Variants in ATP13A4 observed in about 807,000 individuals in gnomAD.
ATP13A4 encodes the protein ATPase 13A4.
In ATP13A4, 114 loss-of-function variants were observed where a neutral mutation model predicts 142.5. The ratio of observed to expected loss-of-function variants is 0.80; its 90% CI spans 0.69 to 0.93. The LOEUF (loss-of-function observed/expected upper bound fraction) is 0.93. ATP13A4 is among the 40% of genes least tolerant of loss of function. The pLI, the probability that ATP13A4 is intolerant of heterozygous loss-of-function variation, is 0.00. For synonymous variants in ATP13A4, 488 were observed against 514.8 expected (o/e 0.95, Z 0.70); for missense variants, 1,392 against 1,454.0 (o/e 0.96, Z 0.69).
chr3:193,519,602 A>G (rs576412225), intron 1 of ATP13A4, among the ~76,000 whole-genome samples: 2 of 146,198 alleles, frequency 1.4e-5, no homozygotes, highest in East Asian at 2.0e-4. Flanking sequence ...ACTTTTGTAG[A>G]ATTTTCACAA....
intron 1 of ATP13A4, among the ~76,000 whole-genome samples, chr3:193,529,531 C>T (rs1463554974): frequency 6.6e-6 from 1 of 152,022 alleles, no homozygotes; most frequent in Non-Finnish European, 1.5e-5. Context: ...AGCTCCTTCC[C>T]TTTTTCATGA....
intron 1 of ATP13A4, among the ~76,000 whole-genome samples, chr3:193,585,814 C>A (rs1724656930): frequency 6.6e-6 from 1 of 152,112 alleles, no homozygotes; most frequent in Non-Finnish European, 1.5e-5. Context: ...CAAGACTTTC[C>A]ATGAACACGT....
At chr3:193,415,916 A>G (rs1715037505) in intron 25 of ATP13A4, among the ~76,000 whole-genome samples, 2 of 152,214 alleles carry the variant, frequency 1.3e-5, no homozygotes, top group South Asian at 2.1e-4. Flanking sequence ...ATCCCAGGGC[A>G]TAGTACATGC....
intron 23 of ATP13A4, 47 bp downstream of exon 23, chr3:193,438,428 C>G (rs770241705): frequency 2.1e-6 from 3 of 1,444,454 alleles, no homozygotes; most frequent in Admixed American, 3.4e-5. Context: ...TGATTTGCAC[C>G]AGAAGTCAAG....
intron 2 of ATP13A4, among the ~76,000 whole-genome samples, chr3:193,564,013 A>G (rs1374134578): frequency 6.6e-6 from 1 of 152,256 alleles, no homozygotes; most frequent in East Asian, 1.9e-4. Flanking sequence ...TAAAATGGAG[A>G]AAAACACAAT....
chr3:193,432,735 T>C (rs1030808835), intron 25 of ATP13A4, among the ~76,000 whole-genome samples: 24 of 151,038 alleles, frequency 1.6e-4, no homozygotes, highest in Non-Finnish European at 3.0e-4. Flanking sequence ...TAAAGTATAA[T>C]AATAAAAGAA....
rs549895049 is a variant in ATP13A4 at position 193,402,478 on chromosome 3, T to C, written c.*174A>G. The C allele has an allele frequency of 6.0e-5, 36 of 599,676 alleles. No individual in the cohort carries two copies. In the African/African-American group the frequency reaches 6.3e-4, roughly 10 times the overall value. 37.1% of individuals were successfully genotyped at this position (599,676 alleles called of 1,614,324 possible). Reference sequence around the variant, plus strand: ...AGAGGAAAGCACTCTTCTGGGTCAATGTTCTTCTCTGTAGACAGTATTTTA... The same window carrying C: ...AGAGGAAAGCACTCTTCTGGGTCAACGTTCTTCTCTGTAGACAGTATTTTA... On this transcript the variant is annotated 3_prime_UTR_variant, in exon 30 of 30. Transcript: ENST00000342695.
At chr3:193,548,007 C>T (rs575477655) in intron 1 of ATP13A4, among the ~76,000 whole-genome samples, 1 of 152,226 alleles carries the variant, frequency 6.6e-6, no homozygotes, top group East Asian at 1.9e-4. Flanking sequence ...TTCTTAAATA[C>T]TTGTTGGGTT....
At chr3:193,556,528 T>A (rs1723896914), upstream of ATP13A4, among the ~76,000 whole-genome samples, 1 of 152,052 alleles carries the variant, frequency 6.6e-6, no homozygotes, top group Non-Finnish European at 1.5e-5. Context: ...TATGTAGTTC[T>A]CTTGGTTTCA....
intron 17 of ATP13A4, among the ~76,000 whole-genome samples, 162 bp from the exon 18 acceptor site, chr3:193,448,492 C>T (rs994667268): frequency 1.3e-5 from 2 of 152,152 alleles, no homozygotes; most frequent in Non-Finnish European, 2.9e-5. Context: ...CCCACCACCA[C>T]GCCCGGCTAA....
chr3:193,530,231 T>C (rs1722243536), intron 1 of ATP13A4, among the ~76,000 whole-genome samples: 1 of 152,194 alleles, frequency 6.6e-6, no homozygotes, highest in Non-Finnish European at 1.5e-5. Flanking sequence ...GTTTTTGCTT[T>C]TATTTTTGTT....
At chr3:193,430,572 A>G (rs931990848) in intron 25 of ATP13A4, among the ~76,000 whole-genome samples, 1 of 152,138 alleles carries the variant, frequency 6.6e-6, no homozygotes, top group Non-Finnish European at 1.5e-5. Flanking sequence ...TGAAGAAGTG[A>G]CATTTGAGCT....
chr3:193,476,528 T>C (rs376514102), intron 8 of ATP13A4, among the ~76,000 whole-genome samples: 169 of 152,234 alleles, frequency 1.1e-3, no homozygotes, highest in African/African-American at 4.0e-3. Flanking sequence ...GGAGAAGCGC[T>C]TTTAATTTCC....
chr3:193,455,106 A>G (rs1222165895), intron 16 of ATP13A4, among the ~76,000 whole-genome samples: 2 of 152,100 alleles, frequency 1.3e-5, no homozygotes, highest in Non-Finnish European at 2.9e-5. Flanking sequence ...TGGGAGGCCG[A>G]GGTGGGCGGA....
intron 7 of ATP13A4, among the ~76,000 whole-genome samples, chr3:193,484,354 T>TA (rs1159032929): frequency 6.6e-6 from 1 of 151,206 alleles, no homozygotes; most frequent in Non-Finnish European, 1.5e-5. Context: ...AATAAATAAA[T>TA]AAGGAGTATG....
chr3:193,480,895 T>A (rs1255139822), intron 8 of ATP13A4, among the ~76,000 whole-genome samples: 8 of 152,178 alleles, frequency 5.3e-5, no homozygotes, highest in African/African-American at 1.2e-4. Flanking sequence ...CATCAATCTA[T>A]GAGTGGATAA....
chr3:193,452,475 TG>T (rs1717334998), intron 17 of ATP13A4, among the ~76,000 whole-genome samples: 1 of 151,736 alleles, frequency 6.6e-6, no homozygotes, highest in African/African-American at 2.4e-5. Context: ...CTTCCCACAG[TG>T]GGCTTCATTT....
upstream of ATP13A4, among the ~76,000 whole-genome samples, chr3:193,557,788 C>A (rs947956423): frequency 6.6e-6 from 1 of 152,196 alleles, no homozygotes; most frequent in African/African-American, 2.4e-5. Context: ...GTGAAGGAAG[C>A]ATTTTGAGAA....
At chr3:193,465,969 C>T (rs1026404859) in intron 11 of ATP13A4, 56 bp downstream of exon 11, 1 of 1,603,970 alleles carries the variant, frequency 6.2e-7, no homozygotes, top group East Asian at 2.2e-5. Flanking sequence ...ATGCACAGTA[C>T]AAAATATACA....
Sources: gnomAD v4.1 joint callset for allele counts (sites outside exome capture counted in the v4.1 genomes callset) on GRCh38, gnomAD v4.1.1 for gene constraint, MANE v1.5 for transcripts, NCBI Gene and HGNC (gene_info 2026-07-23, HGNC 2026-07-21) for gene names.